The following NEK10 variants were observed in gnomAD, a reference collection of about 807,000 sequenced individuals.
The protein encoded by NEK10 is NIMA related kinase 10.
Under a neutral mutation model 159.8 loss-of-function variants are expected in NEK10, and 122 were observed. The observed-to-expected ratio is 0.76, with a 90% CI of 0.66 to 0.89. NEK10 has a LOEUF of 0.89. Ranked by LOEUF, NEK10 falls within the 40% of genes least tolerant of loss-of-function variation. The pLI is 0.00. For synonymous variants in NEK10, 466 were observed against 457.1 expected (o/e 1.02, Z -0.25); for missense variants, 1,342 against 1,323.1 (o/e 1.01, Z -0.22).
chr3:27,106,683 C>G lies in NEK10; in HGVS notation c.*4589G>C, dbSNP rs1046301094. Among the ~76,000 whole-genome samples, 32 of 152,168 alleles carry G rather than the reference C, an allele frequency of 2.1e-4. No individual in the cohort carries two copies. The highest frequency in any genetic ancestry group is 3.2e-3 in the Middle Eastern group (1 of 316). ...GTTCCTCTTGGTTTGTTATTTCTGG[C>G]ACAAACTTCTCTCTGCATGTTTTAT... On this transcript the variant is annotated 3_prime_UTR_variant, in exon 36 of 36. Transcript: ENST00000691995.
chr3:27,206,758 T>C (rs1950579446), intron 23 of NEK10: 1 of 284,016 alleles, frequency 3.5e-6, no homozygotes, highest in Non-Finnish European at 5.3e-6. Flanking sequence ...TTTTATAAAT[T>C]AGAGTGGAGA....
intron 23 of NEK10, among the ~76,000 whole-genome samples, chr3:27,203,845 T>C (rs1452815359): frequency 6.6e-6 from 1 of 152,226 alleles, no homozygotes; most frequent in Non-Finnish European, 1.5e-5. Context: ...AAAAGTATGA[T>C]TTCTAGGTCT....
chr3:27,224,787 T>A (rs1952454807), intron 23 of NEK10, among the ~76,000 whole-genome samples: 1 of 152,188 alleles, frequency 6.6e-6, no homozygotes, highest in Non-Finnish European at 1.5e-5. Flanking sequence ...AAACATCATT[T>A]TTTCTCTTCT....
intron 23 of NEK10, among the ~76,000 whole-genome samples, chr3:27,217,625 A>T (rs1951666004): frequency 6.6e-6 from 1 of 152,128 alleles, no homozygotes; most frequent in Non-Finnish European, 1.5e-5. Context: ...AATCCAAATC[A>T]TGTCACTTCC....
At chr3:27,296,881 C>T (rs1469944915) in intron 14 of NEK10, among the ~76,000 whole-genome samples, 1 of 151,988 alleles carries the variant, frequency 6.6e-6, no homozygotes, top group African/African-American at 2.4e-5. Flanking sequence ...TCTATACACC[C>T]AGAATTAATG....
At chr3:27,350,560 A>G (rs62257160) in intron 3 of NEK10, among the ~76,000 whole-genome samples, 8,079 of 152,258 alleles carry the variant, frequency 0.053, 269 homozygotes, top group Middle Eastern at 0.095. Flanking sequence ...TTAAATTGAC[A>G]GTATTTTTAT....
chr3:27,236,592 G>T (rs1382905894), intron 23 of NEK10, among the ~76,000 whole-genome samples: 1 of 152,062 alleles, frequency 6.6e-6, no homozygotes. Flanking sequence ...GCCTCCAGGG[G>T]GTGACATCAC....
In NEK10 at chr3:27,153,726, C is replaced by G. The variant is rs1945122665; in HGVS notation, c.2869+8975G>C. On this transcript the variant is annotated intron_variant, in intron 30 of 35. Coordinates refer to ENST00000691995, the MANE Select transcript of NEK10 (RefSeq NM_001394966.1). Reference sequence around the variant, plus strand: ...ATGAGCAATGGGTCAGAAACACAATCAAGATGGAAATTTAAAAATTCTTTG... The same window carrying G: ...ATGAGCAATGGGTCAGAAACACAATGAAGATGGAAATTTAAAAATTCTTTG... 2.6e-5 allele frequency among the ~76,000 whole-genome samples: 4 copies of G among 152,128 alleles called. No homozygotes were observed. In the South Asian group the frequency reaches 8.3e-4, roughly 32 times the overall value.
intron 26 of NEK10, among the ~76,000 whole-genome samples, chr3:27,183,869 G>A (rs950735696): frequency 2.6e-5 from 4 of 152,090 alleles, no homozygotes; most frequent in Non-Finnish European, 5.9e-5. Flanking sequence ...TCAGGAAAAT[G>A]CAAACTAAAA....
At chr3:27,354,129 G>A (rs1411548664) in intron 1 of NEK10, among the ~76,000 whole-genome samples, 1 of 152,086 alleles carries the variant, frequency 6.6e-6, no homozygotes, top group Non-Finnish European at 1.5e-5. Flanking sequence ...TCCTGCTGTT[G>A]GCTTCGAATT....
intron 23 of NEK10, among the ~76,000 whole-genome samples, chr3:27,254,632 G>T (rs62258164): frequency 6.6e-5 from 6 of 90,476 alleles, no homozygotes; most frequent in Admixed American, 1.5e-4. Flanking sequence ...ATAACTCGGA[G>T]AGATGAGAGA....
chr3:27,178,817 A>G (rs932195354), intron 26 of NEK10, among the ~76,000 whole-genome samples: 1 of 152,216 alleles, frequency 6.6e-6, no homozygotes, highest in Non-Finnish European at 1.5e-5. Context: ...AGGCCTCCCT[A>G]TGGAAGACTT....
At chr3:27,182,540 T>C (rs1319929880) in intron 26 of NEK10, among the ~76,000 whole-genome samples, 1 of 152,084 alleles carries the variant, frequency 6.6e-6, no homozygotes, top group Non-Finnish European at 1.5e-5. Flanking sequence ...GTATGGAGTT[T>C]CCTTTAAAAA....
In NEK10 at chr3:27,110,112, C is replaced by A. The variant is rs904741695; in HGVS notation, c.*1160G>T. On this transcript the variant is annotated 3_prime_UTR_variant, in exon 36 of 36. Coordinates refer to ENST00000691995, the MANE Select transcript of NEK10 (RefSeq NM_001394966.1). ...AAGTAAATAAAAAGTATAATTTCAA[C>A]TTTCAGATTACTAATTATGTAGAAT... is the stretch of plus-strand genomic sequence containing the variant. 6.6e-6 allele frequency: 1 copy of A among 152,184 alleles called. No homozygotes were observed. The highest frequency in any genetic ancestry group is 2.4e-5 in the African/African-American group (1 of 41,450). 9.4% of individuals were successfully genotyped at this position (152,184 alleles called of 1,614,324 possible). A position where few individuals can be genotyped will look rare whatever the true frequency, so the allele number is the denominator to read the frequency against.
chr3:27,290,691 AT>A lies in NEK10; in HGVS notation c.1668del (p.Phe557LeufsTer12). ...TCTCGATCTTTCTTATCCTTTCCAA[AT>A]GCTGGGTTATGTAAATTGACCTCTT... ...AMKEVNLHNP[A>X]FGKDKKDRDS... On this transcript the variant is annotated frameshift_variant, in exon 19 of 36. Coordinates refer to ENST00000691995, the MANE Select transcript of NEK10 (RefSeq NM_001394966.1). LOFTEE classifies it high-confidence loss of function. 4 of 1,608,074 alleles carry A rather than the reference AT, an allele frequency of 2.5e-6. No individual in the cohort carries two copies. Among genetic ancestry groups the A allele is most frequent in the Non-Finnish European group, 3.4e-6 (4 of 1,175,168 alleles).
intron 23 of NEK10, among the ~76,000 whole-genome samples, chr3:27,230,569 G>A (rs992544073): frequency 6.6e-6 from 1 of 151,848 alleles, no homozygotes; most frequent in Non-Finnish European, 1.5e-5. Flanking sequence ...TAAAAAATAC[G>A]GAATAGCAGA....
chr3:27,232,877 G>T (rs1953459939), intron 23 of NEK10, among the ~76,000 whole-genome samples: 1 of 152,006 alleles, frequency 6.6e-6, no homozygotes, highest in East Asian at 1.9e-4. Flanking sequence ...GAATAAAACT[G>T]GATCCCCATC....
chr3:27,165,662 C>T (rs955700031), intron 29 of NEK10, among the ~76,000 whole-genome samples: 2 of 152,208 alleles, frequency 1.3e-5, no homozygotes, highest in Admixed American at 1.3e-4. Flanking sequence ...TTCCAGCTCT[C>T]TTCAGACCTA....
At chr3:27,312,275 G>T (rs2044759188) in intron 7 of NEK10, 98 bp from the exon 8 acceptor site, 3 of 599,248 alleles carry the variant, frequency 5.0e-6, no homozygotes, top group Non-Finnish European at 8.6e-6. Context: ...AACTGTAGGT[G>T]GCAAAACAGA....
Sources: allele counts gnomAD v4.1 joint callset (sites outside exome capture counted in the v4.1 genomes callset), GRCh38; gene constraint gnomAD v4.1.1; transcripts MANE v1.5; gene names NCBI Gene and HGNC (gene_info 2026-07-23, HGNC 2026-07-21).